The following ZNF385B variants were observed in gnomAD, a reference collection of about 807,000 sequenced individuals.
ZNF385B encodes zinc finger protein 533.
A neutral mutation model predicts 39.2 loss-of-function variants in ZNF385B; 23 were observed. That is an observed-to-expected ratio of 0.59 (90% confidence interval 0.42 to 0.83). The LOEUF (loss-of-function observed/expected upper bound fraction) is 0.83. ZNF385B is among the 40% of genes least tolerant of loss of function. The pLI, the probability that ZNF385B is intolerant of heterozygous loss-of-function variation, is 0.00. For missense variants in ZNF385B, 552 were observed against 598.9 expected (o/e 0.92, Z 0.82); for synonymous variants, 205 against 222.6 (o/e 0.92, Z 0.70).
At chr2:179,714,942 C>CAAAAAAAAAAAAAAAAACAAA (rs376464642) in intron 3 of ZNF385B, among the ~76,000 whole-genome samples, 2 of 79,252 alleles carry the variant, frequency 2.5e-5, no homozygotes, top group East Asian at 8.0e-4. Context: ...GATTCTATCT[C>CAAAAAAAAAAAAAAAAACAAA]AAAAAAAAAA....
intron 3 of ZNF385B, among the ~76,000 whole-genome samples, chr2:179,598,181 A>T (rs1286043537): frequency 6.6e-6 from 1 of 152,158 alleles, no homozygotes; most frequent in Non-Finnish European, 1.5e-5. Flanking sequence ...GCTTTCAGAA[A>T]GATATTTTAA....
intron 1 of ZNF385B, among the ~76,000 whole-genome samples, chr2:179,784,481 AAG>A (rs1256695019): frequency 6.6e-6 from 1 of 152,086 alleles, no homozygotes; most frequent in Non-Finnish European, 1.5e-5. Flanking sequence ...AAACTAAAAA[AAG>A]AAAAAAAAAC....
intron 3 of ZNF385B, chr2:179,562,564 T>C: frequency 1.0e-6 from 1 of 985,416 alleles, no homozygotes; most frequent in South Asian, 4.7e-5. Context: ...ATACGTCCTG[T>C]AATTGCCGCT....
intron 3 of ZNF385B, among the ~76,000 whole-genome samples, chr2:179,561,464 A>G (rs761658538): frequency 3.3e-5 from 5 of 152,166 alleles, no homozygotes; most frequent in Non-Finnish European, 7.4e-5. Context: ...TAACCCATGA[A>G]TAAGATAGAA....
At chr2:179,742,052 G>A (rs1702118855) in intron 3 of ZNF385B, among the ~76,000 whole-genome samples, 1 of 151,986 alleles carries the variant, frequency 6.6e-6, no homozygotes, top group Admixed American at 6.6e-5. Flanking sequence ...TAGTTGACAA[G>A]GGATGACAAT....
Position 179,580,347 on chromosome 2 carries a change from A to G in ZNF385B, c.299-35378T>C, listed in dbSNP as rs764945676. Among the ~76,000 whole-genome samples the G allele has an allele frequency of 1.9e-4, 29 of 152,196 alleles. 1 individual carries two copies. Among genetic ancestry groups the G allele is most frequent in the Non-Finnish European group, 3.7e-4 (25 of 68,028 alleles). ...CACTAACGTAATCTTCCACCATAGA[A>G]AACTTTAGGCAGGTTGCCCAGAATG... On this transcript the variant is annotated intron_variant, in intron 3 of 9. Coordinates refer to ENST00000410066, the MANE Select transcript of ZNF385B (RefSeq NM_152520.6).
Position 179,442,965 on chromosome 2 carries a change from C to G in ZNF385B, c.*285G>C. The G allele has an allele frequency of 1.9e-6, 1 of 513,146 alleles. No homozygotes were observed. Among genetic ancestry groups the G allele is most frequent in the South Asian group, 2.1e-5 (1 of 46,794 alleles). 31.8% of individuals were successfully genotyped at this position (513,146 alleles called of 1,614,324 possible). On this transcript the variant is annotated 3_prime_UTR_variant, in exon 10 of 10. Transcript: ENST00000410066. ...TCTTTTTCTTTCTGACCAATACATGCTCAAGAAATCAAATATCTGAGATAC... is the reference window on the plus strand; with the variant it reads ...TCTTTTTCTTTCTGACCAATACATGGTCAAGAAATCAAATATCTGAGATAC...
At chr2:179,703,485 G>A (rs1017368429) in intron 3 of ZNF385B, among the ~76,000 whole-genome samples, 2 of 152,052 alleles carry the variant, frequency 1.3e-5, no homozygotes, top group Admixed American at 1.3e-4. Flanking sequence ...TATATTGTCT[G>A]TCTCCCCATT....
chr2:179,831,349 T>C (rs1008539418), intron 1 of ZNF385B, among the ~76,000 whole-genome samples: 1 of 152,194 alleles, frequency 6.6e-6, no homozygotes, highest in African/African-American at 2.4e-5. Context: ...ACATAGCTAG[T>C]AAATAGTTAG....
intron 3 of ZNF385B, among the ~76,000 whole-genome samples, chr2:179,706,153 C>T (rs1352515993): frequency 1.3e-5 from 2 of 152,142 alleles, no homozygotes; most frequent in Non-Finnish European, 2.9e-5. Flanking sequence ...TACCAGACCT[C>T]GGTTGATCCC....
At chr2:179,456,156 C>A (rs2050683713) in intron 6 of ZNF385B, among the ~76,000 whole-genome samples, 1 of 152,150 alleles carries the variant, frequency 6.6e-6, no homozygotes, top group Admixed American at 6.6e-5. Flanking sequence ...ATATAAACAG[C>A]ATTATATTCA....
At chr2:179,488,659 CCCTTA>C (rs1357658286) in intron 5 of ZNF385B, among the ~76,000 whole-genome samples, 1 of 151,754 alleles carries the variant, frequency 6.6e-6, no homozygotes, top group Non-Finnish European at 1.5e-5. Flanking sequence ...TAGAACTGTT[CCCTTA>C]ATTAAAGAAA....
chr2:179,596,370 C>CT (rs1457181930), intron 3 of ZNF385B, among the ~76,000 whole-genome samples: 1 of 152,100 alleles, frequency 6.6e-6, no homozygotes, highest in African/African-American at 2.4e-5. Context: ...ATCTAACAGC[C>CT]TTTTTTTCAC....
chr2:179,518,410 T>C, intron 5 of ZNF385B, 118 bp downstream of exon 5: 1 of 716,572 alleles, frequency 1.4e-6, no homozygotes, highest in Non-Finnish European at 2.3e-6. Context: ...CTGAAATTAG[T>C]GGGCTACCAA....
chr2:179,479,228 T>C (rs1030476499), intron 6 of ZNF385B, among the ~76,000 whole-genome samples: 15 of 152,224 alleles, frequency 9.9e-5, no homozygotes, highest in African/African-American at 1.4e-4. Flanking sequence ...TTTTGAATCA[T>C]GTAGTTAGAA....
At chr2:179,489,077 T>C (rs554913104) in intron 5 of ZNF385B, among the ~76,000 whole-genome samples, 1 of 152,198 alleles carries the variant, frequency 6.6e-6, no homozygotes, top group African/African-American at 2.4e-5. Context: ...TCTCTTCAGA[T>C]TGAGGAAATC....
Position 179,551,247 on chromosome 2 carries a change from T to C in ZNF385B, c.299-6278A>G, listed in dbSNP as rs991726040. ...TCAAACTTCCTGTACTAAAATGAAA[T>C]ACACATATATAAGCAGGCATACTCC... On this transcript the variant is annotated intron_variant, in intron 3 of 9. Transcript: ENST00000410066. 4.6e-5 allele frequency among the ~76,000 whole-genome samples: 7 copies of C among 152,148 alleles called. No homozygotes were observed. In the East Asian group the frequency reaches 9.7e-4, roughly 21 times the overall value.
At chr2:179,593,120 T>G (rs1687712233) in intron 3 of ZNF385B, among the ~76,000 whole-genome samples, 2 of 152,184 alleles carry the variant, frequency 1.3e-5, no homozygotes, top group Non-Finnish European at 1.5e-5. Flanking sequence ...GATTACTTGC[T>G]GTCAACGGGA....
intron 3 of ZNF385B, among the ~76,000 whole-genome samples, chr2:179,743,579 C>A (rs1702201965): frequency 6.6e-6 from 1 of 152,050 alleles, no homozygotes; most frequent in Admixed American, 6.6e-5. Context: ...ATTCCACCTG[C>A]ATATCCATTA....
Sources: gnomAD v4.1 joint callset for allele counts (sites outside exome capture counted in the v4.1 genomes callset) on GRCh38, gnomAD v4.1.1 for gene constraint, MANE v1.5 for transcripts, NCBI Gene and HGNC (gene_info 2026-07-23, HGNC 2026-07-21) for gene names.